The following SLCO5A1 variants were observed in gnomAD, a reference collection of about 807,000 sequenced individuals.
SLCO5A1 encodes the protein solute carrier organic anion transporter family member 5A1.
Under a neutral mutation model 65.1 loss-of-function variants are expected in SLCO5A1, and 39 were observed. The observed-to-expected ratio is 0.60, with a 90% CI of 0.46 to 0.78. The LOEUF is 0.78. SLCO5A1 is among the 30% of genes least tolerant of loss of function. SLCO5A1 has a pLI of 0.00. For synonymous variants in SLCO5A1, 438 were observed against 415.7 expected, an observed-to-expected ratio of 1.05 and a Z score of -0.65; for missense variants, 1,029 against 1,069.4, an observed-to-expected ratio of 0.96 and a Z score of 0.53.
rs1240229267 is a variant in SLCO5A1 at position 69,720,738 on chromosome 8, T to C, written c.1424-15509A>G. Reference sequence around the variant, plus strand: ...GTGTGTTATCACAAAATCATAGAATTTGGAAGGGCGCTAGAGCAGAGATTG... The same window carrying C: ...GTGTGTTATCACAAAATCATAGAATCTGGAAGGGCGCTAGAGCAGAGATTG... On this transcript the variant is annotated intron_variant, in intron 5 of 9. Transcript: ENST00000260126. Among the ~76,000 whole-genome samples, 3 of 152,256 alleles carry C rather than the reference T, an allele frequency of 2.0e-5. No homozygotes were observed. The South Asian group carries it at 6.2e-4, about 31-fold the overall frequency.
In SLCO5A1 at chr8:69,832,719, C is replaced by A. The variant is rs765593261; in HGVS notation, c.-46G>T. The A allele has an allele frequency of 1.3e-6, 2 of 1,537,996 alleles. No homozygotes were observed. Among genetic ancestry groups the A allele is most frequent in the Non-Finnish European group, 1.7e-6 (2 of 1,150,260 alleles). The stretch of plus-strand genomic sequence containing the variant: ...GATAGCTGATGGCACCCAAGCACTC[C>A]GGCACGTTTCATCCACCGGCACGAG... On this transcript the variant is annotated 5_prime_UTR_variant, in exon 2 of 10. It introduces an in-frame stop codon into an upstream open reading frame of the 5' UTR. Transcript: ENST00000260126. This position sits in a 1 kb window ranked among gnomAD's most constrained non-coding sequence, Gnocchi z 4.5.
At chr8:69,690,180 G>T (rs533864578) in intron 6 of SLCO5A1, among the ~76,000 whole-genome samples, 18 of 152,154 alleles carry the variant, frequency 1.2e-4, no homozygotes, top group Middle Eastern at 6.8e-3. Context: ...CTTGGCTGTG[G>T]TTTCGCTGGA....
chr8:69,725,616 C>T (rs543625765), intron 5 of SLCO5A1, among the ~76,000 whole-genome samples: 5 of 152,166 alleles, frequency 3.3e-5, no homozygotes, highest in Admixed American at 2.6e-4. Context: ...TTTTGTAAGT[C>T]GTGGGGGATG....
At chr8:69,787,862 G>A (rs1042650292) in intron 2 of SLCO5A1, among the ~76,000 whole-genome samples, 1 of 152,068 alleles carries the variant, frequency 6.6e-6, no homozygotes, top group Non-Finnish European at 1.5e-5. Context: ...ACAACCTTGA[G>A]GTCAAAACTA....
In SLCO5A1 at chr8:69,780,876, C is replaced by T. The variant is rs376640426; in HGVS notation, c.908-19001G>A. On this transcript the variant is annotated intron_variant, in intron 2 of 9. Coordinates refer to ENST00000260126, the MANE Select transcript of SLCO5A1 (RefSeq NM_030958.3). ...CTGAAAAAAAAAAATCACATCAGAG[C>T]GGAAAATCTCAAAATATTTTTGGAG... is the stretch of plus-strand genomic sequence containing the variant. Among the ~76,000 whole-genome samples the T allele has an allele frequency of 5.9e-5, 9 of 151,868 alleles. No homozygotes were observed. The South Asian group carries it at 6.2e-4, about 11-fold the overall frequency.
At chr8:69,759,375 A>G (rs921550960) in intron 3 of SLCO5A1, among the ~76,000 whole-genome samples, 6 of 152,208 alleles carry the variant, frequency 3.9e-5, no homozygotes, top group Non-Finnish European at 5.9e-5. Context: ...AAATGGATAA[A>G]ATTACTTGAG....
intron 5 of SLCO5A1, among the ~76,000 whole-genome samples, chr8:69,736,060 A>T (rs1816540681): frequency 6.6e-6 from 1 of 152,240 alleles, no homozygotes; most frequent in Non-Finnish European, 1.5e-5. Context: ...ATTGGCTATG[A>T]TCAAAACAAA....
At chr8:69,710,523 G>T (rs999157280) in intron 5 of SLCO5A1, among the ~76,000 whole-genome samples, 1 of 152,020 alleles carries the variant, frequency 6.6e-6, no homozygotes, top group Non-Finnish European at 1.5e-5. Context: ...ATGAGCTGGA[G>T]AATAAAGTAC....
intron 9 of SLCO5A1, among the ~76,000 whole-genome samples, chr8:69,673,963 C>T (rs928556095): frequency 3.9e-5 from 6 of 152,162 alleles, no homozygotes; most frequent in Non-Finnish European, 8.8e-5. Context: ...TGAATAGTAG[C>T]TTCGTTGTCT....
At chr8:69,790,007 A>G (rs1310345605) in intron 2 of SLCO5A1, among the ~76,000 whole-genome samples, 1 of 152,006 alleles carries the variant, frequency 6.6e-6, no homozygotes, top group Non-Finnish European at 1.5e-5. Flanking sequence ...AGCCTGGCCA[A>G]TATGGTGAAA....
At chr8:69,768,570 C>T (rs1259349269) in intron 2 of SLCO5A1, among the ~76,000 whole-genome samples, 3 of 152,190 alleles carry the variant, frequency 2.0e-5, no homozygotes, top group African/African-American at 7.2e-5. Flanking sequence ...TCGGCACTGG[C>T]TTCTGAGGAG....
rs1272172736 is a variant in SLCO5A1, at chr8:69,688,799, C to T, written c.1623-6456G>A. The stretch of plus-strand genomic sequence containing the variant: ...TGTGAATAGTCCCGCAATAAACATA[C>T]GTGTGCATGTGTCTTTATAACAGCA... On this transcript the variant is annotated intron_variant, in intron 6 of 9. Coordinates refer to ENST00000260126, the MANE Select transcript of SLCO5A1 (RefSeq NM_030958.3). Among the ~76,000 whole-genome samples, 9 of 152,236 alleles carry T rather than the reference C, an allele frequency of 5.9e-5. No homozygotes were observed. The East Asian group carries it at 9.6e-4, about 16-fold the overall frequency.
chr8:69,721,156 A>G (rs2380575), intron 5 of SLCO5A1, among the ~76,000 whole-genome samples: 87,314 of 151,988 alleles, frequency 0.57, 25,559 homozygotes, highest in South Asian at 0.69. Context: ...CCATTTTGCT[A>G]CTTGAAATGC....
chr8:69,710,867 A>G (rs779057264), intron 5 of SLCO5A1, among the ~76,000 whole-genome samples: 4 of 152,176 alleles, frequency 2.6e-5, no homozygotes, highest in Non-Finnish European at 4.4e-5. Flanking sequence ...CTATCAAAAC[A>G]GAAAGGTCTG....
chr8:69,755,098 CTG>C (rs749510556), intron 4 of SLCO5A1, among the ~76,000 whole-genome samples: 13 of 152,252 alleles, frequency 8.5e-5, no homozygotes, highest in South Asian at 6.2e-4. Context: ...GCTTCTCAAA[CTG>C]TGTGTGAGGA....
At chr8:69,791,408 T>A (rs1819261394) in intron 2 of SLCO5A1, among the ~76,000 whole-genome samples, 1 of 152,224 alleles carries the variant, frequency 6.6e-6, no homozygotes, top group Admixed American at 6.5e-5. Flanking sequence ...ATGGATGTAC[T>A]GAGTCAGGAG....
chr8:69,777,392 C>A (rs1818604900), intron 2 of SLCO5A1, among the ~76,000 whole-genome samples: 1 of 151,836 alleles, frequency 6.6e-6, no homozygotes, highest in South Asian at 2.1e-4. Flanking sequence ...TACCCGGGGA[C>A]TGAGGAGGTC....
chr8:69,735,462 A>G (rs575562516), intron 5 of SLCO5A1, among the ~76,000 whole-genome samples: 1 of 152,374 alleles, frequency 6.6e-6, no homozygotes, highest in Non-Finnish European at 1.5e-5. Context: ...AATGTGGTAC[A>G]TATGCACCAT....
intron 2 of SLCO5A1, among the ~76,000 whole-genome samples, chr8:69,766,655 A>C (rs150268317): frequency 6.6e-6 from 1 of 152,266 alleles, no homozygotes; most frequent in East Asian, 1.9e-4. Flanking sequence ...GGCCACCTCA[A>C]CTAAAAATTA....
Sources: allele counts gnomAD v4.1 joint callset (sites outside exome capture counted in the v4.1 genomes callset), GRCh38; gene constraint gnomAD v4.1.1; non-coding constraint Gnocchi (gnomAD v3.1); transcripts MANE v1.5; gene names NCBI Gene and HGNC (gene_info 2026-07-23, HGNC 2026-07-21).